Variants in RGS22 observed in about 807,000 individuals in gnomAD.
RGS22 encodes the protein regulator of G-protein signaling 22.
RGS22 carries 148 observed loss-of-function variants against 172.9 expected under a neutral mutation model. The observed-to-expected ratio is 0.86, with a 90% confidence interval of 0.75 to 0.98. The LOEUF (loss-of-function observed/expected upper bound fraction) is 0.98. RGS22 is among the 50% of genes least tolerant of loss of function. RGS22 has a pLI of 0.00. For missense variants in RGS22, 1,347 were observed against 1,440.8 expected, an observed-to-expected ratio of 0.93 and a Z score of 1.05; for synonymous variants, 458 against 480.2, an observed-to-expected ratio of 0.95 and a Z score of 0.60.
chr8:99,965,308 G>A, intron 24 of RGS22, 27 bp downstream of exon 24: 1 of 1,481,908 alleles, frequency 6.7e-7, no homozygotes, highest in Non-Finnish European at 9.4e-7. Context: ...GCGGGGAAAT[G>A]AGGTCTGCAC....
chr8:100,098,641 G>A (rs28730324), intron 2 of RGS22, among the ~76,000 whole-genome samples: 2 of 151,990 alleles, frequency 1.3e-5, no homozygotes. Context: ...GATTACATCA[G>A]TATCTATCCA....
chr8:100,086,801 A>G (rs1298407344), intron 3 of RGS22, among the ~76,000 whole-genome samples: 1 of 152,180 alleles, frequency 6.6e-6, no homozygotes, highest in Non-Finnish European at 1.5e-5. Context: ...CTGAGTTTTA[A>G]CAAGCCCTCT....
intron 3 of RGS22, among the ~76,000 whole-genome samples, chr8:100,092,642 A>G (rs1177367547): frequency 6.6e-6 from 1 of 152,128 alleles, no homozygotes; most frequent in Admixed American, 6.5e-5. Flanking sequence ...GAAGGCCCTC[A>G]CCAGATGCAG....
At chr8:99,992,167 A>G (rs1008779814) in intron 20 of RGS22, among the ~76,000 whole-genome samples, 1 of 152,244 alleles carries the variant, frequency 6.6e-6, no homozygotes, top group African/African-American at 2.4e-5. Flanking sequence ...AAAACATGCC[A>G]AAAGTAAAGA....
At chr8:100,014,141 C>A (rs1421965318) in intron 14 of RGS22, among the ~76,000 whole-genome samples, 1 of 152,188 alleles carries the variant, frequency 6.6e-6, no homozygotes, top group Non-Finnish European at 1.5e-5. Flanking sequence ...CAAGAGCTCT[C>A]TTTTAAATCT....
intron 21 of RGS22, 94 bp downstream of exon 21, chr8:99,987,364 T>C (rs1222066118): frequency 2.1e-6 from 2 of 950,430 alleles, no homozygotes; most frequent in Non-Finnish European, 3.1e-6. Context: ...GGATATCTTA[T>C]ACAAATCTTG....
chr8:100,079,900 A>G (rs1408162120), intron 4 of RGS22, among the ~76,000 whole-genome samples: 2 of 152,196 alleles, frequency 1.3e-5, no homozygotes, highest in Non-Finnish European at 2.9e-5. Context: ...AAACTAACCT[A>G]ATATTCAAAT....
chr8:100,036,156 T>C (rs1463605031), intron 14 of RGS22, among the ~76,000 whole-genome samples: 1 of 150,398 alleles, frequency 6.6e-6, no homozygotes, highest in East Asian at 2.0e-4. Context: ...AATCTCCAAA[T>C]TAAAAAAAAA....
At chr8:100,081,169 T>C (rs1423178622) in intron 3 of RGS22, among the ~76,000 whole-genome samples, 2 of 152,122 alleles carry the variant, frequency 1.3e-5, no homozygotes, top group Non-Finnish European at 2.9e-5. Context: ...TCATGTAGAT[T>C]AACTTATACA....
intron 4 of RGS22, among the ~76,000 whole-genome samples, chr8:100,072,660 A>G (rs938753420): frequency 5.9e-5 from 9 of 152,160 alleles, no homozygotes; most frequent in Admixed American, 3.9e-4. Context: ...TTGTTCTTCA[A>G]GTTTAAAAAA....
At chr8:100,064,214 TC>T (rs1810375940) in intron 7 of RGS22, among the ~76,000 whole-genome samples, 171 bp from the exon 8 acceptor site, 2 of 152,142 alleles carry the variant, frequency 1.3e-5, no homozygotes, top group South Asian at 2.1e-4. Context: ...ACGCCTGTCA[TC>T]CCAGCACTTT....
Position 100,002,333 on chromosome 8 carries a change from G to T in RGS22, c.2659C>A (p.Gln887Lys). 6.2e-7 allele frequency: 1 copy of T among 1,610,582 alleles called. No homozygotes were observed. The highest frequency in any genetic ancestry group is 1.1e-5 in the South Asian group (1 of 90,392). ...TCTCTGTAAGTTATTCTCCGGAACT[G>T]CTCAATGTCTGTCCAGCACATAAGA... ...MDLMCWTDIE[Q>K]FRRITYRDRN... The change falls in exon 18 of 28, where the codon CAG (glutamine) becomes AAG (lysine). Residue 887 changes from glutamine (Q) to lysine (K), a missense_variant. Transcript: ENST00000360863.
At position 100,066,375 on chromosome 8, in the gene RGS22, A is replaced by G. The variant is rs575387414; in HGVS notation, c.595-79T>C. 8 of 1,166,358 alleles carry G rather than the reference A, an allele frequency of 6.9e-6. No homozygotes were observed. In the African/African-American group the frequency reaches 9.1e-5, roughly 13 times the overall value. The allele number at this position is 1,166,358 out of a possible 1,614,324, so 72.3% of individuals were successfully genotyped here. A position where few individuals can be genotyped will look rare whatever the true frequency, so the allele number is the denominator to read the frequency against. On this transcript the variant is annotated intron_variant, in intron 6 of 27. Coordinates refer to ENST00000360863, the MANE Select transcript of RGS22 (RefSeq NM_015668.5). ...TCACAAACCTGGAAAAATCATTATA[A>G]TAATATTCAACTTGCACAGTACAAT...
chr8:100,002,298 T>C lies in RGS22; in HGVS notation c.2694A>G (p.Gln898=), dbSNP rs776620078. The C allele has an allele frequency of 3.1e-6, 5 of 1,612,070 alleles. No individual in the cohort carries two copies. The Admixed American group carries it at 6.7e-5, about 22-fold the overall frequency. ...FRRITYRDRN[Q]RKAKSIYIKN... Reference sequence around the variant, plus strand: ...TAATGTATATAGATTTTGCCTTCCTTTGATTTCGATCTCTGTAAGTTATTC... The same window carrying C: ...TAATGTATATAGATTTTGCCTTCCTCTGATTTCGATCTCTGTAAGTTATTC... The change falls in exon 18 of 28, where the codon CAA becomes CAG. Residue 898 remains glutamine, a synonymous_variant. Coordinates refer to ENST00000360863, the MANE Select transcript of RGS22 (RefSeq NM_015668.5).
chr8:100,029,361 C>T (rs530341199), intron 14 of RGS22, among the ~76,000 whole-genome samples: 1 of 152,152 alleles, frequency 6.6e-6, no homozygotes, highest in South Asian at 2.1e-4. Flanking sequence ...ATAACTAATG[C>T]AGCTACAAAC....
At chr8:100,062,782 C>T in intron 8 of RGS22, 30 bp from the exon 9 acceptor site, 1 of 1,540,860 alleles carries the variant, frequency 6.5e-7, no homozygotes, top group African/African-American at 1.4e-5. Context: ...CATATATACA[C>T]ACACACATTG....
At position 99,963,045 on chromosome 8, in the gene RGS22, T is replaced by C. The variant is rs1810381033; in HGVS notation, c.3616-67A>G. 2.3e-6 allele frequency: 3 copies of C among 1,282,218 alleles called. No individual in the cohort carries two copies. The Admixed American group carries it at 8.8e-5, about 38-fold the overall frequency. The allele number at this position is 1,282,218 out of a possible 1,614,324, so 79.4% of individuals were successfully genotyped here. A position where few individuals can be genotyped will look rare whatever the true frequency, so the allele number is the denominator to read the frequency against. ...TTTAGGAAATAAACTGAAGATAAGA[T>C]GTCTTCTATCAGCCTCTTCATTTAA... On this transcript the variant is annotated intron_variant, in intron 24 of 27. Coordinates refer to ENST00000360863, the MANE Select transcript of RGS22 (RefSeq NM_015668.5).
At chr8:99,962,550 C>CTAAG in intron 26 of RGS22, 107 bp from the exon 27 acceptor site, 1 of 1,442,160 alleles carries the variant, frequency 6.9e-7, no homozygotes, top group Non-Finnish European at 9.7e-7. Context: ...AGAAATTCTC[C>CTAAG]TAAGTTGGGG....
chr8:100,103,475 G>A (rs1294215361), intron 2 of RGS22, among the ~76,000 whole-genome samples: 2 of 152,222 alleles, frequency 1.3e-5, no homozygotes, highest in African/African-American at 2.4e-5. Flanking sequence ...AAAATAAGAA[G>A]TGGAGGAAAG....
Sources: allele counts gnomAD v4.1 joint callset (sites outside exome capture counted in the v4.1 genomes callset), GRCh38; gene constraint gnomAD v4.1.1; transcripts MANE v1.5; gene names NCBI Gene and HGNC (gene_info 2026-07-23, HGNC 2026-07-21).